MAP4K3: variants seen among roughly 807,000 people sequenced by gnomAD.
MAP4K3 encodes the protein MAPK/ERK kinase kinase kinase 3.
Under a neutral mutation model 143.5 loss-of-function variants are expected in MAP4K3, and 94 were observed. The ratio of observed to expected loss-of-function variants is 0.65; its 90% CI spans 0.55 to 0.78. MAP4K3 has a LOEUF of 0.78. MAP4K3 is among the 30% of genes least tolerant of loss of function. The pLI is 0.00. For missense variants in MAP4K3, 1,077 were observed against 1,068.1 expected (o/e 1.01, Z -0.12); for synonymous variants, 416 against 347.2 (o/e 1.20, Z -2.20).
intron 2 of MAP4K3, among the ~76,000 whole-genome samples, chr2:39,372,066 A>C (rs1386178025): frequency 1.3e-5 from 2 of 151,888 alleles, no homozygotes; most frequent in East Asian, 1.9e-4. Context: ...AAAAACTATT[A>C]AACTGATAAA....
At chr2:39,289,933 A>G (rs1681960494) in intron 19 of MAP4K3, among the ~76,000 whole-genome samples, 4 of 152,156 alleles carry the variant, frequency 2.6e-5, no homozygotes, top group Admixed American at 2.6e-4. Flanking sequence ...AAAAAATACA[A>G]AACTTTAGCT....
At chr2:39,314,414 C>T (rs1453167017) in intron 13 of MAP4K3, among the ~76,000 whole-genome samples, 1 of 152,216 alleles carries the variant, frequency 6.6e-6, no homozygotes. Context: ...AATGCTCTCA[C>T]ATGCTAAGGA....
At chr2:39,418,202 CAAA>C (rs60060164) in intron 1 of MAP4K3, among the ~76,000 whole-genome samples, 4 of 113,072 alleles carry the variant, frequency 3.5e-5, no homozygotes, top group Non-Finnish European at 1.9e-5. Context: ...GACTCCGTCT[CAAA>C]AAAAAAAAAA....
intron 14 of MAP4K3, 73 bp downstream of exon 14, chr2:39,309,388 T>C (rs991237695): frequency 3.7e-5 from 43 of 1,162,898 alleles, no homozygotes; most frequent in Non-Finnish European, 5.0e-5. Flanking sequence ...TTTTGGTCAG[T>C]ACTAATACAT....
chr2:39,364,050 C>T (rs1171346243), intron 2 of MAP4K3, among the ~76,000 whole-genome samples: 5 of 151,024 alleles, frequency 3.3e-5, no homozygotes, highest in African/African-American at 9.7e-5. Flanking sequence ...TGAATACCCC[C>T]GTCCACTGTT....
chr2:39,404,595 CT>C (rs1224623105), intron 1 of MAP4K3, among the ~76,000 whole-genome samples: 10 of 121,938 alleles, frequency 8.2e-5, no homozygotes, highest in East Asian at 4.9e-4. Context: ...TCTGAGGTTT[CT>C]TTTTTTTTTC....
rs141061013 is a variant in MAP4K3, at chr2:39,315,324, C to T, written c.983G>A (p.Arg328His). 3.1e-6 allele frequency: 5 copies of T among 1,606,114 alleles called. No homozygotes were observed. Among genetic ancestry groups the T allele is most frequent in the East Asian group, 2.2e-5 (1 of 44,712 alleles). Residue 328 changes from arginine (R) to histidine (H), a missense_variant, in exon 13 of 34, where the codon CGC (arginine) becomes CAC (histidine). Arg to His is a conservative substitution (Grantham distance 29). This residue lies in a region of MAP4K3 where 864 missense variants were observed against 801.2 expected (regional missense o/e 1.08). Transcript: ENST00000263881. ...TSRNVREEKT[R>H]SEITFGQVKF... ...TATATACTTACAGGTTATCTCTGAG[C>T]GTGTTTTTTCTTCTCTCACGTTTCT... is the stretch of plus-strand genomic sequence containing the variant.
In MAP4K3 at chr2:39,286,930, T is replaced by C. The variant is rs770946346; in HGVS notation, c.1509A>G (p.Glu503=). The change falls in exon 21 of 34, where the codon GAA becomes GAG. Residue 503 remains glutamate, a synonymous_variant. Transcript: ENST00000263881. The part of the protein sequence containing the change: ...NGMSSFQLNG[E]RDGSLCQQQN... Reference sequence around the variant, plus strand: ...GTTGTTGACATAATGAGCCATCTCGTTCACCATTTAACTGGAAGGAGCTCA... The same window carrying C: ...GTTGTTGACATAATGAGCCATCTCGCTCACCATTTAACTGGAAGGAGCTCA... 1.2e-6 allele frequency: 2 copies of C among 1,609,212 alleles called. No homozygotes were observed. Among genetic ancestry groups the C allele is most frequent in the South Asian group, 1.1e-5 (1 of 90,170 alleles).
intron 13 of MAP4K3, among the ~76,000 whole-genome samples, chr2:39,310,997 G>C (rs1024248746): frequency 1.3e-5 from 2 of 152,160 alleles, no homozygotes; most frequent in Admixed American, 1.3e-4. Flanking sequence ...AAAAGAAGAT[G>C]ATTAACAAAA....
At chr2:39,321,193 T>G (rs897700086) in intron 12 of MAP4K3, among the ~76,000 whole-genome samples, 2 of 152,208 alleles carry the variant, frequency 1.3e-5, no homozygotes, top group African/African-American at 4.8e-5. Flanking sequence ...ATTGTTACTG[T>G]GTCTGTGTAG....
chr2:39,279,191 C>G (rs1681401715), intron 23 of MAP4K3, among the ~76,000 whole-genome samples: 1 of 152,114 alleles, frequency 6.6e-6, no homozygotes, highest in African/African-American at 2.4e-5. Context: ...AGGTCAAGAA[C>G]TTTTCTAGAC....
intron 33 of MAP4K3, among the ~76,000 whole-genome samples, chr2:39,251,414 G>T (rs1253690141): frequency 1.3e-5 from 2 of 152,172 alleles, no homozygotes; most frequent in African/African-American, 4.8e-5. Context: ...CTGAAGCTAT[G>T]CAAACCTTCT....
intron 6 of MAP4K3, among the ~76,000 whole-genome samples, chr2:39,334,953 C>A (rs1037905496): frequency 6.6e-6 from 1 of 152,098 alleles, no homozygotes; most frequent in Admixed American, 6.5e-5. Context: ...GAGCAGAGAT[C>A]TGGGTGAAGT....
rs761317435 is a variant in MAP4K3, at chr2:39,251,819, C to T, written c.2597+11G>A. On this transcript the variant is annotated intron_variant, in intron 33 of 33. Coordinates refer to ENST00000263881, the MANE Select transcript of MAP4K3 (RefSeq NM_003618.4). ...TTAGTACTGTGTATTTAATACAGTC[C>T]GTTTTCATACCTGTCAGATCCAAGC... 39 of 1,611,362 alleles carry T rather than the reference C, an allele frequency of 2.4e-5. No individual in the cohort carries two copies. Among genetic ancestry groups the T allele is most frequent in the Non-Finnish European group, 3.1e-5 (36 of 1,177,948 alleles).
chr2:39,436,120 T>C lies in MAP4K3; in HGVS notation c.96+772A>G, dbSNP rs60192971. Among the ~76,000 whole-genome samples, 265 of 152,204 alleles carry C rather than the reference T, an allele frequency of 1.7e-3. 6 individuals carry two copies. The East Asian group carries it at 0.025, about 14-fold the overall frequency. ...AGTAACTGTGAGGCCAAGAGTTGAG[T>C]TGGCCAGGGAAGAGTGATTTATCTT... On this transcript the variant is annotated intron_variant, in intron 1 of 33. Transcript: ENST00000263881.
chr2:39,265,366 T>C, intron 27 of MAP4K3, 60 bp from the exon 28 acceptor site: 1 of 1,005,848 alleles, frequency 9.9e-7, no homozygotes, highest in Non-Finnish European at 1.6e-6. Flanking sequence ...TGACAATAAT[T>C]GCATGCTCAA....
intron 16 of MAP4K3, among the ~76,000 whole-genome samples, chr2:39,295,434 T>C (rs1269111238): frequency 6.6e-6 from 1 of 151,930 alleles, no homozygotes; most frequent in African/African-American, 2.4e-5. Flanking sequence ...ACAAAAGCTC[T>C]TTGGAATCCT....
intron 33 of MAP4K3, 45 bp downstream of exon 33, chr2:39,251,785 A>C: frequency 2.7e-6 from 4 of 1,486,000 alleles, no homozygotes; most frequent in Non-Finnish European, 3.7e-6. Context: ...CTGGATCTAT[A>C]AAACACGTTT....
chr2:39,260,727 T>A lies in MAP4K3; in HGVS notation c.2187A>T (p.Val729=), dbSNP rs1424142225. Residue 729 remains valine (V), a synonymous_variant, in exon 29 of 34, where the codon GTA becomes GTT. Coordinates refer to ENST00000263881, the MANE Select transcript of MAP4K3 (RefSeq NM_003618.4). ...CTAAAGGGTACTCCTGTTCAGGAAC[T>A]ACCAGCATTTCAAACATTCTAAGTG... The part of the protein sequence containing the change: ...PCPLRMFEML[V]VPEQEYPLVC... The A allele has an allele frequency of 1.9e-6, 3 of 1,613,750 alleles. No individual in the cohort carries two copies. The highest frequency in any genetic ancestry group is 2.5e-6 in the Non-Finnish European group (3 of 1,179,630).
Sources: gnomAD v4.1 joint callset for allele counts (sites outside exome capture counted in the v4.1 genomes callset) on GRCh38, gnomAD v4.1.1 for gene constraint, gnomAD v4.1.1 regional missense constraint, MANE v1.5 for transcripts, NCBI Gene and HGNC (gene_info 2026-07-23, HGNC 2026-07-21) for gene names.